CFAP54: variants seen among roughly 807,000 people sequenced by gnomAD.
The protein encoded by CFAP54 is cilia- and flagella-associated protein 54.
CFAP54 carries 290 observed loss-of-function variants against 370.4 expected under a neutral mutation model. The ratio of observed to expected loss-of-function variants is 0.78; its 90% confidence interval spans 0.71 to 0.86. CFAP54 has a LOEUF of 0.86. CFAP54 is among the 40% of genes least tolerant of loss of function. The probability of loss-of-function intolerance (pLI) is 0.00; values close to 1 mark genes in which losing one functional copy is unlikely to be tolerated. For synonymous variants in CFAP54, 1,206 were observed against 1,236.5 expected (o/e 0.98, Z 0.52); for missense variants, 3,399 against 3,528.7 (o/e 0.96, Z 0.93).
At chr12:96,692,281 C>G (rs1237399662) in intron 44 of CFAP54, among the ~76,000 whole-genome samples, 1 of 152,144 alleles carries the variant, frequency 6.6e-6, no homozygotes, top group African/African-American at 2.4e-5. Context: ...AATGGTGCCC[C>G]TCTCACTGTT....
At chr12:96,829,111 T>G in intron 66 of CFAP54, 23 bp downstream of exon 66, 1 of 1,309,320 alleles carries the variant, frequency 7.6e-7, no homozygotes, top group African/African-American at 1.5e-5. Context: ...CCTTTAAAAT[T>G]GTATCTAATT....
intron 1 of CFAP54, among the ~76,000 whole-genome samples, chr12:96,497,817 G>A (rs552745807): frequency 6.6e-6 from 1 of 152,306 alleles, no homozygotes; most frequent in South Asian, 2.1e-4. Context: ...CCTGCATGTA[G>A]ACCTAACTTA....
intron 62 of CFAP54, among the ~76,000 whole-genome samples, chr12:96,788,663 A>T (rs1379623132): frequency 1.3e-5 from 2 of 150,260 alleles, no homozygotes; most frequent in Admixed American, 6.6e-5. Flanking sequence ...TAAATTATAC[A>T]TTTTTTTTTT....
chr12:96,706,724 A>G (rs535016135), intron 47 of CFAP54, among the ~76,000 whole-genome samples: 5 of 152,212 alleles, frequency 3.3e-5, no homozygotes, highest in African/African-American at 1.2e-4. Flanking sequence ...GATGCTGTCA[A>G]TCAAATACAT....
At chr12:96,565,826 T>G (rs1434469898) in intron 19 of CFAP54, among the ~76,000 whole-genome samples, 2 of 152,190 alleles carry the variant, frequency 1.3e-5, no homozygotes, top group East Asian at 3.8e-4. Context: ...TGCCTTTTGA[T>G]ATGCTTTGAC....
chr12:96,783,268 A>T (rs1462632514), intron 60 of CFAP54, among the ~76,000 whole-genome samples: 1 of 152,188 alleles, frequency 6.6e-6, no homozygotes, highest in Non-Finnish European at 1.5e-5. Context: ...GGAATTAGAG[A>T]GCGGCTTATA....
At chr12:96,546,191 C>G (rs571228748) in intron 14 of CFAP54, among the ~76,000 whole-genome samples, 11 of 152,114 alleles carry the variant, frequency 7.2e-5, no homozygotes, top group Non-Finnish European at 1.2e-4. Flanking sequence ...TCTGTGTGAT[C>G]TGACTCTATC....
At chr12:96,831,103 G>A (rs1232901723) in intron 66 of CFAP54, among the ~76,000 whole-genome samples, 1 of 152,134 alleles carries the variant, frequency 6.6e-6, no homozygotes, top group Non-Finnish European at 1.5e-5. Flanking sequence ...TGGCATTCGT[G>A]TTTCTCCTTT....
At chr12:96,523,164 G>T (rs949067565) in intron 8 of CFAP54, among the ~76,000 whole-genome samples, 15 of 152,206 alleles carry the variant, frequency 9.9e-5, no homozygotes, top group Middle Eastern at 3.2e-3. Flanking sequence ...TGGGGGGAAG[G>T]AGGTGAGCAG....
At chr12:96,744,734 C>T (rs1304785034) in intron 55 of CFAP54, among the ~76,000 whole-genome samples, 1 of 152,006 alleles carries the variant, frequency 6.6e-6, no homozygotes, top group Non-Finnish European at 1.5e-5. Flanking sequence ...TTTAGGGGTA[C>T]ATGTGCAGGA....
rs1160728712 is a variant in CFAP54, at chr12:96,536,145, A to T, written c.1791+545A>T. On this transcript the variant is annotated intron_variant, in intron 12 of 67. Transcript: ENST00000524981. The stretch of plus-strand genomic sequence containing the variant: ...GCAGGACATGCAGGTTTGTTACATA[A>T]GTAAACATGTGCCGTGGTGGTTTGC... Among the ~76,000 whole-genome samples, 3 of 152,326 alleles carry T rather than the reference A, an allele frequency of 2.0e-5. No individual in the cohort carries two copies. The East Asian group carries it at 5.8e-4, about 29-fold the overall frequency.
chr12:96,647,493 A>AAAAAAAAAAAAAAAAAAAC (rs1423964032), intron 33 of CFAP54, among the ~76,000 whole-genome samples: 1 of 149,454 alleles, frequency 6.7e-6, no homozygotes, highest in African/African-American at 2.5e-5. Context: ...AAAAAAAAAA[A>AAAAAAAAAAAAAAAAAAAC]AAAGAAATGC....
chr12:96,603,623 G>A (rs1375461637), intron 26 of CFAP54, among the ~76,000 whole-genome samples: 3 of 152,098 alleles, frequency 2.0e-5, no homozygotes, highest in Admixed American at 2.0e-4. Flanking sequence ...TTTTCACATA[G>A]TCCCATATTT....
chr12:96,506,523 T>G (rs1955102471), intron 3 of CFAP54, among the ~76,000 whole-genome samples: 1 of 151,862 alleles, frequency 6.6e-6, no homozygotes, highest in Admixed American at 6.6e-5. Context: ...TTTTAGTTTT[T>G]TACATTTTGA....
At chr12:96,605,633 C>T (rs1021278733) in intron 26 of CFAP54, among the ~76,000 whole-genome samples, 66 of 149,716 alleles carry the variant, frequency 4.4e-4, no homozygotes, top group Non-Finnish European at 7.9e-4. Context: ...TATGTATTTA[C>T]GATTACCTAT....
intron 27 of CFAP54, among the ~76,000 whole-genome samples, 186 bp downstream of exon 27, chr12:96,621,907 T>TTTTTTTTTTTTTTTTC (rs1956499400): frequency 1.1e-5 from 1 of 95,014 alleles, no homozygotes; most frequent in Admixed American, 1.2e-4. Context: ...TTTTTTTTTT[T>TTTTTTTTTTTTTTTTC]AGTTATGGTC....
At chr12:96,609,947 G>A (rs1956337836) in intron 26 of CFAP54, among the ~76,000 whole-genome samples, 1 of 152,226 alleles carries the variant, frequency 6.6e-6, no homozygotes, top group Non-Finnish European at 1.5e-5. Context: ...TGTCACAGAA[G>A]TGCAGATCCT....
intron 55 of CFAP54, among the ~76,000 whole-genome samples, chr12:96,750,213 C>T (rs1958166758): frequency 6.6e-6 from 1 of 152,182 alleles, no homozygotes; most frequent in African/African-American, 2.4e-5. Context: ...TCTTGTCCAT[C>T]CCAGAGTGCA....
At chr12:96,558,564 T>C (rs1294501192) in intron 17 of CFAP54, among the ~76,000 whole-genome samples, 1 of 151,862 alleles carries the variant, frequency 6.6e-6, no homozygotes, top group Non-Finnish European at 1.5e-5. Flanking sequence ...TAGAACAAAA[T>C]AGAGAACCCA....
Sources: gnomAD v4.1 joint callset for allele counts (sites outside exome capture counted in the v4.1 genomes callset) on GRCh38, gnomAD v4.1.1 for gene constraint, MANE v1.5 for transcripts, NCBI Gene and HGNC (gene_info 2026-07-23, HGNC 2026-07-21) for gene names.